Variants in GLI3 observed in about 807,000 individuals in gnomAD.
The protein encoded by GLI3 is GLI family zinc finger 3.
A neutral mutation model predicts 100.8 loss-of-function variants in GLI3; 20 were observed. The observed-to-expected ratio is 0.20, with a 90% CI of 0.14 to 0.29. GLI3 has a LOEUF of 0.29. Among genes scored for constraint, GLI3 ranks in the 10% least tolerant of loss-of-function variants. The probability of loss-of-function intolerance (pLI) is 1.00; values close to 1 mark genes in which losing one functional copy is unlikely to be tolerated. For missense variants in GLI3, 2,040 were observed against 2,128.5 expected, an observed-to-expected ratio of 0.96 and a Z score of 0.82; for synonymous variants, 938 against 860.5, an observed-to-expected ratio of 1.09 and a Z score of -1.58.
At position 41,965,266 on chromosome 7, in the gene GLI3, G is replaced by A; in HGVS notation, c.3807C>T (p.Asp1269=). Residue 1269 remains aspartate, a synonymous_variant, in exon 15 of 15, where the codon GAC becomes GAT. Transcript: ENST00000395925. ...CTTGAATCCCGGCACCACAGGCACC[G>A]TCGAGTGCACCAGGGGCCACTGGCT... ...NRQPVAPGAL[D]GACGAGIQAS... is the part of the protein sequence containing the mutation. 1.2e-6 allele frequency: 2 copies of A among 1,613,502 alleles called. No individual in the cohort carries two copies. The highest frequency in any genetic ancestry group is 2.2e-5 in the South Asian group (2 of 91,060).
chr7:42,257,354 C>CTTTTTTTTTTTTTTTTTTTTTTTTTTTT (rs61449410), intron 1 of GLI3, among the ~76,000 whole-genome samples: 1 of 130,590 alleles, frequency 7.7e-6, no homozygotes, highest in African/African-American at 2.8e-5. Flanking sequence ...ATCATTCAGT[C>CTTTTTTTTTTTTTTTTTTTTTTTTTTTT]TTTTTTTTTT....
At chr7:41,973,781 C>T (rs557288992) in intron 12 of GLI3, among the ~76,000 whole-genome samples, 5 of 152,252 alleles carry the variant, frequency 3.3e-5, no homozygotes, top group African/African-American at 1.2e-4. Context: ...ACCTAAAATG[C>T]TGAAATGTCC....
intron 3 of GLI3, among the ~76,000 whole-genome samples, chr7:42,117,666 G>A (rs1213418297): frequency 6.6e-6 from 1 of 152,194 alleles, no homozygotes; most frequent in Non-Finnish European, 1.5e-5. Context: ...CTTTTGCTGG[G>A]GGAATGGAAC....
chr7:42,256,639 A>C (rs566312519), intron 1 of GLI3, among the ~76,000 whole-genome samples: 1 of 152,322 alleles, frequency 6.6e-6, no homozygotes, highest in South Asian at 2.1e-4. Context: ...CCATTCATCC[A>C]TATGCCTATC....
intron 2 of GLI3, among the ~76,000 whole-genome samples, chr7:42,203,987 A>G (rs1788099172): frequency 6.6e-6 from 1 of 151,912 alleles, no homozygotes; most frequent in Non-Finnish European, 1.5e-5. Flanking sequence ...GTGAGACTCC[A>G]TCTCAAAATA....
chr7:42,244,495 A>C (rs1788953514), intron 1 of GLI3, among the ~76,000 whole-genome samples: 1 of 152,214 alleles, frequency 6.6e-6, no homozygotes, highest in South Asian at 2.1e-4. Context: ...AATTTATTGC[A>C]GCCTTCGTTG....
intron 7 of GLI3, among the ~76,000 whole-genome samples, chr7:42,027,495 T>G (rs1391890221): frequency 6.6e-6 from 1 of 152,246 alleles, no homozygotes; most frequent in Non-Finnish European, 1.5e-5. Context: ...GGTTAATTAC[T>G]ATGGCTATTA....
At chr7:42,066,527 G>A (rs1011289145) in intron 4 of GLI3, among the ~76,000 whole-genome samples, 1 of 152,120 alleles carries the variant, frequency 6.6e-6, no homozygotes, top group Non-Finnish European at 1.5e-5. Context: ...TTCAGATCAC[G>A]AAAAGGCCTT....
intron 1 of GLI3, among the ~76,000 whole-genome samples, chr7:42,225,362 C>T (rs1434825131): frequency 3.3e-5 from 5 of 151,818 alleles, no homozygotes; most frequent in South Asian, 2.1e-4. Flanking sequence ...TTTGTTTTTT[C>T]GGTTTTGTTT....
At chr7:41,969,326 G>C (rs1183751886) in intron 13 of GLI3, among the ~76,000 whole-genome samples, 2 of 152,196 alleles carry the variant, frequency 1.3e-5, no homozygotes, top group African/African-American at 4.8e-5. Context: ...TTTAGGGAAA[G>C]ATAACTACAC....
At chr7:42,118,881 G>A (rs1218356923) in intron 3 of GLI3, among the ~76,000 whole-genome samples, 2 of 152,180 alleles carry the variant, frequency 1.3e-5, no homozygotes, top group African/African-American at 2.4e-5. Context: ...AAAGAGAAAC[G>A]AACTCTTTCA....
intron 2 of GLI3, among the ~76,000 whole-genome samples, chr7:42,187,804 A>T (rs1787747716): frequency 6.6e-6 from 1 of 151,996 alleles, no homozygotes; most frequent in Non-Finnish European, 1.5e-5. Flanking sequence ...GGAGATCCAG[A>T]CCATCCTGAC....
At chr7:42,197,024 C>G (rs920352667) in intron 2 of GLI3, among the ~76,000 whole-genome samples, 2 of 152,136 alleles carry the variant, frequency 1.3e-5, no homozygotes, top group African/African-American at 2.4e-5. Context: ...CTGGATTTTA[C>G]AAATAAGGAA....
At chr7:42,164,940 A>G (rs1422707673) in intron 2 of GLI3, among the ~76,000 whole-genome samples, 1 of 151,430 alleles carries the variant, frequency 6.6e-6, no homozygotes, top group Non-Finnish European at 1.5e-5. Context: ...TGCAAGGGAA[A>G]GCAATAATGA....
chr7:42,003,938 A>C (rs918655990), intron 10 of GLI3, among the ~76,000 whole-genome samples: 2 of 152,214 alleles, frequency 1.3e-5, no homozygotes, highest in African/African-American at 4.8e-5. Context: ...GGAAACCTGT[A>C]TCTAGCAACA....
intron 3 of GLI3, among the ~76,000 whole-genome samples, chr7:42,142,284 C>A (rs1470280401): frequency 1.3e-5 from 2 of 152,098 alleles, no homozygotes; most frequent in African/African-American, 4.8e-5. Flanking sequence ...AGGGCAGGGC[C>A]AGCACCAGAG....
At chr7:42,053,711 G>A (rs1188507397) in intron 4 of GLI3, among the ~76,000 whole-genome samples, 1 of 152,200 alleles carries the variant, frequency 6.6e-6, no homozygotes, top group African/African-American at 2.4e-5. Flanking sequence ...CTGTGGCTCA[G>A]TCATTGGAGG....
chr7:42,079,431 C>G (rs1784952675), intron 3 of GLI3, among the ~76,000 whole-genome samples: 1 of 152,218 alleles, frequency 6.6e-6, no homozygotes, highest in African/African-American at 2.4e-5. Context: ...CAATCAGATT[C>G]AAATCCGGGT....
At chr7:42,152,664 A>G (rs918126035) in intron 2 of GLI3, among the ~76,000 whole-genome samples, 1 of 152,198 alleles carries the variant, frequency 6.6e-6, no homozygotes, top group Non-Finnish European at 1.5e-5. Flanking sequence ...AATCAGCCTG[A>G]GAGAAGGAGG....
Sources: gnomAD v4.1 joint callset for allele counts (sites outside exome capture counted in the v4.1 genomes callset) on GRCh38, gnomAD v4.1.1 for gene constraint, MANE v1.5 for transcripts, NCBI Gene and HGNC (gene_info 2026-07-23, HGNC 2026-07-21) for gene names.